DNER: variants seen among roughly 807,000 people sequenced by gnomAD.
The protein encoded by DNER is delta and Notch-like epidermal growth factor-related receptor.
A neutral mutation model predicts 78.2 loss-of-function variants in DNER; 33 were observed. The observed-to-expected ratio is 0.42, with a 90% confidence interval of 0.32 to 0.56. The LOEUF (loss-of-function observed/expected upper bound fraction) is 0.56. Among genes scored for constraint, DNER ranks in the 20% least tolerant of loss-of-function variants. The pLI, the probability that DNER is intolerant of heterozygous loss-of-function variation, is 0.11. For synonymous variants in DNER, 417 were observed against 384.8 expected (o/e 1.08, Z -0.98); for missense variants, 918 against 975.3 (o/e 0.94, Z 0.78).
intron 8 of DNER, among the ~76,000 whole-genome samples, chr2:229,435,859 T>G (rs1252630541): frequency 1.3e-5 from 2 of 152,234 alleles, no homozygotes; most frequent in African/African-American, 4.8e-5. Flanking sequence ...GGATTGTAAT[T>G]TTTTAATGAT....
intron 1 of DNER, among the ~76,000 whole-genome samples, chr2:229,604,343 C>T (rs1035168187): frequency 1.2e-4 from 19 of 152,258 alleles, no homozygotes; most frequent in African/African-American, 4.3e-4. Context: ...AGTAGGCTCT[C>T]AAAAAATATT....
intron 1 of DNER, among the ~76,000 whole-genome samples, chr2:229,706,206 A>T (rs1016602099): frequency 1.3e-5 from 2 of 152,110 alleles, no homozygotes; most frequent in African/African-American, 4.8e-5. Flanking sequence ...TGTTTACGGA[A>T]ATATTTAGGA....
chr2:229,698,907 A>G (rs1699702026), intron 1 of DNER, among the ~76,000 whole-genome samples: 2 of 152,304 alleles, frequency 1.3e-5, no homozygotes, highest in African/African-American at 4.8e-5. Flanking sequence ...GGCCAATTTT[A>G]AAGAGTAAAA....
chr2:229,700,149 T>G lies in DNER; in HGVS notation c.276+13999A>C, dbSNP rs150467323. Among the ~76,000 whole-genome samples, 359 of 152,252 alleles carry G rather than the reference T, an allele frequency of 2.4e-3. 2 individuals carry two copies. Among genetic ancestry groups the G allele is most frequent in the African/African-American group, 8.3e-3 (346 of 41,556 alleles). On this transcript the variant is annotated intron_variant, in intron 1 of 12. Transcript: ENST00000341772. ...TTAAATATCATGTTTTACCTATCAG[T>G]TAACACAAAAAAAATGGGGGCTAGT...
intron 5 of DNER, among the ~76,000 whole-genome samples, chr2:229,539,201 G>T (rs2154213014): frequency 6.6e-6 from 1 of 152,246 alleles, no homozygotes; most frequent in East Asian, 1.9e-4. Flanking sequence ...CCTTTTCAAT[G>T]TCTCATGAGG....
intron 7 of DNER, among the ~76,000 whole-genome samples, chr2:229,448,008 C>T (rs530501211): frequency 2.0e-5 from 3 of 152,112 alleles, no homozygotes; most frequent in South Asian, 2.1e-4. Context: ...AAATTAAAAC[C>T]ATATCAAATA....
chr2:229,495,730 C>T (rs780110446), intron 6 of DNER, among the ~76,000 whole-genome samples: 11 of 152,210 alleles, frequency 7.2e-5, no homozygotes, highest in Admixed American at 5.2e-4. Context: ...CCAAATGTCT[C>T]GGCACCCGCT....
intron 4 of DNER, among the ~76,000 whole-genome samples, chr2:229,581,880 TTTTA>T (rs113410563): frequency 2.0e-5 from 3 of 152,076 alleles, no homozygotes; most frequent in South Asian, 2.1e-4. Context: ...TTATGTTTAT[TTTTA>T]TTTATTTATT....
At chr2:229,490,235 A>G (rs755839863) in intron 6 of DNER, among the ~76,000 whole-genome samples, 3 of 152,210 alleles carry the variant, frequency 2.0e-5, no homozygotes, top group African/African-American at 7.2e-5. Context: ...TTAGAAGCAC[A>G]TGATCCTGGA....
intron 1 of DNER, among the ~76,000 whole-genome samples, chr2:229,686,301 G>A (rs756134215): frequency 1.2e-4 from 18 of 151,862 alleles, no homozygotes; most frequent in Admixed American, 8.5e-4. Flanking sequence ...CACTACCACC[G>A]TCACCACCGC....
intron 4 of DNER, among the ~76,000 whole-genome samples, chr2:229,568,926 T>C (rs1697163133): frequency 1.3e-5 from 2 of 152,208 alleles, no homozygotes; most frequent in Non-Finnish European, 2.9e-5. Flanking sequence ...AAATGACCTA[T>C]GTGCATATAC....
chr2:229,364,844 C>CTTTTTTTT (rs34346714), intron 12 of DNER, among the ~76,000 whole-genome samples: 3 of 75,488 alleles, frequency 4.0e-5, no homozygotes, highest in African/African-American at 1.7e-4. Flanking sequence ...CTCTCTCTCT[C>CTTTTTTTT]TTTTTTTTTT....
chr2:229,455,545 G>A (rs1454406942), intron 7 of DNER, among the ~76,000 whole-genome samples: 2 of 152,038 alleles, frequency 1.3e-5, no homozygotes, highest in East Asian at 3.9e-4. Flanking sequence ...GACCCTGGAT[G>A]TCTATAAACG....
intron 1 of DNER, among the ~76,000 whole-genome samples, chr2:229,602,461 G>A (rs1159296343): frequency 1.3e-5 from 2 of 152,072 alleles, no homozygotes; most frequent in African/African-American, 4.8e-5. Context: ...CTTCCATTGA[G>A]CACTGCACTA....
At chr2:229,371,037 C>A (rs574920198) in intron 11 of DNER, among the ~76,000 whole-genome samples, 8 of 152,170 alleles carry the variant, frequency 5.3e-5, no homozygotes, top group African/African-American at 1.9e-4. Context: ...CCAAGCTGTT[C>A]GGACTTTTGG....
chr2:229,405,675 A>G (rs962710297), intron 10 of DNER, among the ~76,000 whole-genome samples: 69 of 152,212 alleles, frequency 4.5e-4, no homozygotes, highest in Non-Finnish European at 8.2e-4. Flanking sequence ...GACTCCTTTT[A>G]TATTCAAATA....
chr2:229,547,651 A>T (rs947426045), intron 4 of DNER, among the ~76,000 whole-genome samples: 1 of 152,192 alleles, frequency 6.6e-6, no homozygotes, highest in Non-Finnish European at 1.5e-5. Context: ...TTTATTGATC[A>T]TTGATAAGAT....
intron 1 of DNER, among the ~76,000 whole-genome samples, chr2:229,663,922 G>A (rs1013401685): frequency 2.0e-5 from 3 of 152,110 alleles, no homozygotes; most frequent in East Asian, 1.9e-4. Context: ...CCACCTCCTC[G>A]GCTCAAGCGA....
At chr2:229,665,482 T>C (rs767159306) in intron 1 of DNER, among the ~76,000 whole-genome samples, 17 of 152,070 alleles carry the variant, frequency 1.1e-4, no homozygotes, top group Non-Finnish European at 1.8e-4. Flanking sequence ...ACAATTAACA[T>C]TTTAAGTAAT....
Sources: gnomAD v4.1 joint callset for allele counts (sites outside exome capture counted in the v4.1 genomes callset) on GRCh38, gnomAD v4.1.1 for gene constraint, MANE v1.5 for transcripts, NCBI Gene and HGNC (gene_info 2026-07-23, HGNC 2026-07-21) for gene names.